Variants in TMED3 observed in about 807,000 individuals in gnomAD.
TMED3 encodes transmembrane p24 trafficking protein 3.
A neutral mutation model predicts 15.0 loss-of-function variants in TMED3; 9 were observed. The ratio of observed to expected loss-of-function variants is 0.60; its 90% confidence interval spans 0.36 to 1.04. The LOEUF (loss-of-function observed/expected upper bound fraction) is 1.04. Among genes scored for constraint, TMED3 ranks in the 50% least tolerant of loss-of-function variants. The pLI, the probability that TMED3 is intolerant of heterozygous loss-of-function variation, is 0.01. For missense variants in TMED3, 267 were observed against 278.9 expected, an observed-to-expected ratio of 0.96 and a Z score of 0.30; for synonymous variants, 117 against 121.4, an observed-to-expected ratio of 0.96 and a Z score of 0.24.
intron 2 of TMED3, among the ~76,000 whole-genome samples, chr15:79,320,137 T>C (rs1172207982): frequency 6.6e-6 from 1 of 152,170 alleles, no homozygotes; most frequent in African/African-American, 2.4e-5. Flanking sequence ...CACAGTCCAC[T>C]TGGCAATGGG....
chr15:79,341,366 G>A (rs1343270447), intron 2 of TMED3, among the ~76,000 whole-genome samples: 1 of 151,998 alleles, frequency 6.6e-6, no homozygotes, highest in Non-Finnish European at 1.5e-5. Flanking sequence ...AGGTAAGATG[G>A]GAATAGGTAT....
At chr15:79,359,688 A>G (rs1893086344) in intron 2 of TMED3, among the ~76,000 whole-genome samples, 1 of 152,196 alleles carries the variant, frequency 6.6e-6, no homozygotes. Flanking sequence ...AGCTGAAGAG[A>G]TTGAGAGATC....
intron 2 of TMED3, among the ~76,000 whole-genome samples, chr15:79,353,119 ATAAT>A (rs1219574021): frequency 1.2e-5 from 1 of 82,276 alleles, no homozygotes; most frequent in African/African-American, 5.6e-5. Context: ...AAATATATAT[ATAAT>A]ATATATAAAA....
chr15:79,364,536 T>G (rs1893191864), intron 2 of TMED3, among the ~76,000 whole-genome samples: 1 of 151,852 alleles, frequency 6.6e-6, no homozygotes, highest in Admixed American at 6.6e-5. Context: ...ATTTCTGTTT[T>G]CATTCCCAAA....
chr15:79,316,844 G>A (rs1027942004), intron 2 of TMED3, among the ~76,000 whole-genome samples: 1 of 152,202 alleles, frequency 6.6e-6, no homozygotes, highest in African/African-American at 2.4e-5. Context: ...GAGGGGTTCT[G>A]TTGGTTTTCT....
At chr15:79,383,246 G>C in intron 2 of TMED3, 1 of 558,246 alleles carries the variant, frequency 1.8e-6, no homozygotes, top group Non-Finnish European at 3.2e-6. Flanking sequence ...CAATGTGGCT[G>C]CCTTTGCTAT....
chr15:79,321,963 T>C lies in TMED3; in HGVS notation c.418-15T>C. 1 of 1,612,176 alleles carries C rather than the reference T, an allele frequency of 6.2e-7. No individual in the cohort carries two copies. The highest frequency in any genetic ancestry group is 8.5e-7 in the Non-Finnish European group (1 of 1,178,660). On this transcript the variant is annotated splice_polypyrimidine_tract_variant and intron_variant, in intron 2 of 2. Transcript: ENST00000299705. ...TATGGGTTAGCAGTGTGACTGCTTT[T>C]CTCTTCCTGCCCAGATGGAGTCCGC...
rs1380268225 is a variant in TMED3, at chr15:79,311,426, G to A, written c.168+9G>A. ...TCTCCCTGGATTACCAGGTGAGGCCGGGCGCCCGGCAGCGCTCCCTTCTCC... is the reference window on the plus strand; with the variant it reads ...TCTCCCTGGATTACCAGGTGAGGCCAGGCGCCCGGCAGCGCTCCCTTCTCC... On this transcript the variant is annotated intron_variant, in intron 1 of 2. Transcript: ENST00000299705. The A allele has an allele frequency of 1.2e-6, 2 of 1,600,828 alleles. No homozygotes were observed. The highest frequency in any genetic ancestry group is 2.3e-5 in the East Asian group (1 of 44,026).
intron 2 of TMED3, among the ~76,000 whole-genome samples, chr15:79,358,699 A>G (rs897088149): frequency 6.6e-6 from 1 of 152,236 alleles, no homozygotes; most frequent in Non-Finnish European, 1.5e-5. Flanking sequence ...AAGAAAAAAT[A>G]CTTTCTAAGA....
intron 2 of TMED3, among the ~76,000 whole-genome samples, chr15:79,331,564 A>G (rs2058809210): frequency 6.7e-6 from 1 of 149,934 alleles, no homozygotes; most frequent in Non-Finnish European, 1.5e-5. Context: ...AAAAAAAAGG[A>G]TAATATCAAA....
intron 2 of TMED3, among the ~76,000 whole-genome samples, chr15:79,328,234 G>A (rs550182850): frequency 5.9e-5 from 9 of 152,136 alleles, no homozygotes; most frequent in Middle Eastern, 3.2e-3. Context: ...AAAAAGTCAC[G>A]GCTGATCCTC....
At chr15:79,412,597 A>T (rs563961446) in exon 3 of TMED3, 1 of 152,498 alleles carries the variant, frequency 6.6e-6, no homozygotes, top group South Asian at 2.1e-4. Flanking sequence ...CGAAGTTGCC[A>T]TTGGGCGTGA....
chr15:79,386,191 A>G (rs939829222), intron 2 of TMED3, among the ~76,000 whole-genome samples: 13 of 152,184 alleles, frequency 8.5e-5, no homozygotes, highest in Non-Finnish European at 1.5e-4. Flanking sequence ...CAAGATGAAA[A>G]AGTTCTGAAG....
At chr15:79,327,650 G>A (rs543860155), downstream of TMED3, among the ~76,000 whole-genome samples, 3 of 152,216 alleles carry the variant, frequency 2.0e-5, no homozygotes, top group South Asian at 4.1e-4. Context: ...CTACTCACAC[G>A]CACCCAAAAA....
chr15:79,336,753 A>C (rs2058828684), intron 2 of TMED3, among the ~76,000 whole-genome samples: 1 of 152,194 alleles, frequency 6.6e-6, no homozygotes. Flanking sequence ...TTAGCACCCT[A>C]GCTAATATTT....
At chr15:79,380,450 A>T (rs1022298340) in intron 2 of TMED3, among the ~76,000 whole-genome samples, 2 of 147,486 alleles carry the variant, frequency 1.4e-5, no homozygotes, top group African/African-American at 4.9e-5. Flanking sequence ...ATATATAGTT[A>T]TATATGTTAT....
intron 2 of TMED3, among the ~76,000 whole-genome samples, chr15:79,362,476 C>A (rs1202383265): frequency 6.6e-6 from 1 of 151,702 alleles, no homozygotes; most frequent in Non-Finnish European, 1.5e-5. Context: ...CAGAGTGGGA[C>A]TCTGTCTCTA....
exon 3 of TMED3, chr15:79,413,057 A>T (rs1487297609): frequency 6.6e-6 from 1 of 152,194 alleles, no homozygotes; most frequent in Non-Finnish European, 1.5e-5. Flanking sequence ...TACAAGAGAA[A>T]AAAAAACCAT....
At chr15:79,400,538 G>A (rs1011812136) in intron 2 of TMED3, among the ~76,000 whole-genome samples, 4 of 152,128 alleles carry the variant, frequency 2.6e-5, no homozygotes, top group African/African-American at 9.7e-5. Flanking sequence ...ATGATACCTA[G>A]GGTCTAGAGT....
Sources: gnomAD v4.1 joint callset for allele counts (sites outside exome capture counted in the v4.1 genomes callset) on GRCh38, gnomAD v4.1.1 for gene constraint, MANE v1.5 for transcripts, NCBI Gene and HGNC (gene_info 2026-07-23, HGNC 2026-07-21) for gene names.